Variants in ZSWIM6 observed in about 807,000 individuals in gnomAD.
ZSWIM6 encodes zinc finger SWIM-type containing 6, also known as zinc finger SWIM domain-containing protein 6.
A neutral mutation model predicts 113.2 loss-of-function variants in ZSWIM6; 9 were observed. That is an observed-to-expected ratio of 0.08 (90% CI 0.05 to 0.14). The LOEUF (loss-of-function observed/expected upper bound fraction) is 0.14. Among genes scored for constraint, ZSWIM6 ranks in the 10% least tolerant of loss-of-function variants. The probability of loss-of-function intolerance (pLI) is 1.00; values close to 1 mark genes in which losing one functional copy is unlikely to be tolerated. For synonymous variants in ZSWIM6, 611 were observed against 606.5 expected, an observed-to-expected ratio of 1.01 and a Z score of -0.11; for missense variants, 1,162 against 1,552.2, an observed-to-expected ratio of 0.75 and a Z score of 4.22.
chr5:61,431,969 C>T (rs1005421717), intron 1 of ZSWIM6, among the ~76,000 whole-genome samples: 3 of 151,540 alleles, frequency 2.0e-5, no homozygotes, highest in African/African-American at 4.9e-5. Context: ...GTGGGTTTTT[C>T]TCCTTTCTGT....
intron 1 of ZSWIM6, among the ~76,000 whole-genome samples, chr5:61,337,586 TACTC>T (rs1284999201): frequency 1.3e-5 from 2 of 152,210 alleles, no homozygotes; most frequent in African/African-American, 4.8e-5. Context: ...GCCTAAGAAA[TACTC>T]AGTGGAATAC....
chr5:61,365,755 A>G (rs1745136108), intron 1 of ZSWIM6, among the ~76,000 whole-genome samples: 2 of 152,072 alleles, frequency 1.3e-5, no homozygotes, highest in Admixed American at 1.3e-4. Flanking sequence ...CTTACTAGAG[A>G]GTGTGTGCAA....
At chr5:61,460,083 T>A (rs1181442492) in intron 1 of ZSWIM6, among the ~76,000 whole-genome samples, 2 of 152,228 alleles carry the variant, frequency 1.3e-5, no homozygotes, top group South Asian at 2.1e-4. Context: ...CTTTCAACGA[T>A]GTTTACCTTT....
intron 1 of ZSWIM6, among the ~76,000 whole-genome samples, chr5:61,419,518 A>G (rs1054204147): frequency 9.2e-5 from 14 of 152,230 alleles, no homozygotes; most frequent in African/African-American, 3.1e-4. Flanking sequence ...GGCAGCCACT[A>G]GCCACATGTG....
intron 1 of ZSWIM6, among the ~76,000 whole-genome samples, chr5:61,334,829 A>G (rs1744357199): frequency 6.7e-6 from 1 of 150,348 alleles, no homozygotes; most frequent in Non-Finnish European, 1.5e-5. Flanking sequence ...AAGCACATCT[A>G]TGGCTTCTCA....
At chr5:61,420,979 G>A (rs948100321) in intron 1 of ZSWIM6, among the ~76,000 whole-genome samples, 1 of 151,814 alleles carries the variant, frequency 6.6e-6, no homozygotes, top group Non-Finnish European at 1.5e-5. Context: ...GAGTGCAGTG[G>A]TGGGGTCTTG....
In ZSWIM6 at chr5:61,413,507, G is replaced by A. The variant is rs111780922; in HGVS notation, c.677-59174G>A. 1.9e-4 allele frequency among the ~76,000 whole-genome samples: 29 copies of A among 152,186 alleles called. 2 individuals carry two copies. Among genetic ancestry groups the A allele is most frequent in the African/African-American group, 7.0e-4 (29 of 41,524 alleles). ...TATGTGTGCCTGTGTCTTTATAGCAGCATGATTTATAGTCCTTTGGGTATA... is the reference window on the plus strand; with the variant it reads ...TATGTGTGCCTGTGTCTTTATAGCAACATGATTTATAGTCCTTTGGGTATA... On this transcript the variant is annotated intron_variant, in intron 1 of 13. Coordinates refer to ENST00000252744, the MANE Select transcript of ZSWIM6 (RefSeq NM_020928.2).
intron 1 of ZSWIM6, among the ~76,000 whole-genome samples, chr5:61,340,013 C>A (rs1214676778): frequency 6.6e-6 from 1 of 152,182 alleles, no homozygotes; most frequent in Admixed American, 6.5e-5. Flanking sequence ...CTACCCAGAT[C>A]TCAAAAGTAA....
At chr5:61,356,679 A>G (rs1049807099) in intron 1 of ZSWIM6, among the ~76,000 whole-genome samples, 7 of 142,434 alleles carry the variant, frequency 4.9e-5, no homozygotes, top group Non-Finnish European at 1.1e-4. Context: ...TATATATAAC[A>G]TAATATATAA....
intron 1 of ZSWIM6, among the ~76,000 whole-genome samples, chr5:61,336,921 A>G (rs1744411643): frequency 6.6e-6 from 1 of 152,248 alleles, no homozygotes; most frequent in Admixed American, 6.5e-5. Context: ...GAAAATGGGC[A>G]GCACATTTCA....
chr5:61,510,387 T>A (rs930422001), intron 4 of ZSWIM6, among the ~76,000 whole-genome samples: 1 of 151,912 alleles, frequency 6.6e-6, no homozygotes, highest in Non-Finnish European at 1.5e-5. Context: ...CCATGACTAT[T>A]AGTGTTCTGC....
chr5:61,410,240 A>G (rs1561226621), intron 1 of ZSWIM6, among the ~76,000 whole-genome samples: 2 of 151,970 alleles, frequency 1.3e-5, no homozygotes, highest in African/African-American at 2.4e-5. Flanking sequence ...GCTCAGCCCC[A>G]CATTGACAAT....
At chr5:61,498,481 C>T (rs756472979) in intron 4 of ZSWIM6, among the ~76,000 whole-genome samples, 78 of 152,104 alleles carry the variant, frequency 5.1e-4, no homozygotes, top group Non-Finnish European at 9.4e-4. Context: ...GATTGTTTTT[C>T]TAGTTTGAAT....
intron 1 of ZSWIM6, among the ~76,000 whole-genome samples, chr5:61,405,257 G>A (rs1386920282): frequency 2.0e-5 from 3 of 152,112 alleles, no homozygotes; most frequent in African/African-American, 7.2e-5. Context: ...CACCAAAGAT[G>A]GGATTAATCA....
intron 4 of ZSWIM6, among the ~76,000 whole-genome samples, chr5:61,507,694 T>C (rs1229681038): frequency 1.3e-5 from 2 of 152,186 alleles, no homozygotes; most frequent in Non-Finnish European, 2.9e-5. Context: ...TAAGTTTTTG[T>C]TGGATATGCT....
At chr5:61,420,457 C>T (rs143986781) in intron 1 of ZSWIM6, among the ~76,000 whole-genome samples, 2 of 152,020 alleles carry the variant, frequency 1.3e-5, no homozygotes, top group Admixed American at 6.6e-5. Flanking sequence ...GTTCTCCATA[C>T]AGAAGTTTCT....
intron 1 of ZSWIM6, among the ~76,000 whole-genome samples, chr5:61,444,915 G>C (rs1746919038): frequency 6.6e-6 from 1 of 152,164 alleles, no homozygotes; most frequent in Non-Finnish European, 1.5e-5. Context: ...AGATTTAGCA[G>C]GAGTGGGTAC....
At chr5:61,375,828 T>C (rs929479006) in intron 1 of ZSWIM6, 2 of 1,117,686 alleles carry the variant, frequency 1.8e-6, no homozygotes, top group African/African-American at 1.6e-5. Context: ...AAAAGAAGGC[T>C]GCTAGTTCAA....
chr5:61,351,452 C>T (rs1744781271), intron 1 of ZSWIM6, among the ~76,000 whole-genome samples: 1 of 152,140 alleles, frequency 6.6e-6, no homozygotes, highest in Non-Finnish European at 1.5e-5. Context: ...TATGACTGCA[C>T]TAAGATCTAC....
Sources: allele counts gnomAD v4.1 joint callset (sites outside exome capture counted in the v4.1 genomes callset), GRCh38; gene constraint gnomAD v4.1.1; transcripts MANE v1.5; gene names NCBI Gene and HGNC (gene_info 2026-07-23, HGNC 2026-07-21).